The following SHANK2 variants were observed in gnomAD, a reference collection of about 807,000 sequenced individuals.
The protein encoded by SHANK2 is SH3 and multiple ankyrin repeat domains protein 2.
Under a neutral mutation model 133.7 loss-of-function variants are expected in SHANK2, and 43 were observed. The observed-to-expected ratio is 0.32, with a 90% CI of 0.25 to 0.41. The LOEUF is 0.41. SHANK2 is among the 10% of genes least tolerant of loss of function. SHANK2 has a pLI of 1.00. For missense variants in SHANK2, 1,994 were observed against 2,235.8 expected (o/e 0.89, Z 2.18); for synonymous variants, 1,017 against 952.8 (o/e 1.07, Z -1.24).
At chr11:70,618,462 C>T (rs2060786089) in intron 17 of SHANK2, among the ~76,000 whole-genome samples, 1 of 152,186 alleles carries the variant, frequency 6.6e-6, no homozygotes, top group Admixed American at 6.5e-5. Flanking sequence ...GAGGAAGGAA[C>T]GTTCTAGAAT....
At chr11:70,595,245 G>T (rs1425542725) in intron 17 of SHANK2, among the ~76,000 whole-genome samples, 1 of 152,180 alleles carries the variant, frequency 6.6e-6, no homozygotes, top group African/African-American at 2.4e-5. Flanking sequence ...TTTGAAGGGT[G>T]CAGCCCGGCC....
rs114585295 is a variant in SHANK2, at chr11:70,674,938, T to C, written c.1854-13260A>G. Among the ~76,000 whole-genome samples, 419 of 152,340 alleles carry C rather than the reference T, an allele frequency of 2.8e-3. 2 individuals carry two copies. The highest frequency in any genetic ancestry group is 9.7e-3 in the African/African-American group (404 of 41,580). On this transcript the variant is annotated intron_variant, in intron 15 of 25. Transcript: ENST00000601538. ...CATTTAAGTCCACACAAATAATACA[T>C]GTACATGGCATATAACTATGTATAA...
intron 17 of SHANK2, among the ~76,000 whole-genome samples, chr11:70,637,755 G>T (rs2061124525): frequency 6.6e-6 from 1 of 152,222 alleles, no homozygotes; most frequent in African/African-American, 2.4e-5. Context: ...AACAGACCTA[G>T]GTGTCAGACC....
chr11:70,625,996 G>A (rs1301377580), intron 17 of SHANK2, among the ~76,000 whole-genome samples: 1 of 152,088 alleles, frequency 6.6e-6, no homozygotes, highest in Admixed American at 6.5e-5. Context: ...GCTGAGGGCT[G>A]CAGGCCTCTG....
intron 2 of SHANK2, among the ~76,000 whole-genome samples, chr11:71,211,364 C>A (rs111779563): frequency 1.3e-5 from 1 of 79,684 alleles, no homozygotes; most frequent in Non-Finnish European, 2.2e-5. Context: ...CATGGAGAAA[C>A]CCCATCTCTA....
intron 14 of SHANK2, among the ~76,000 whole-genome samples, chr11:70,794,625 T>G (rs781863422): frequency 2.1e-4 from 32 of 152,334 alleles, no homozygotes; most frequent in Admixed American, 9.1e-4. Flanking sequence ...TGGTGCGACC[T>G]TGGCTCACTG....
intron 2 of SHANK2, among the ~76,000 whole-genome samples, chr11:71,160,409 G>C (rs1952990561): frequency 6.6e-6 from 1 of 152,174 alleles, no homozygotes; most frequent in Non-Finnish European, 1.5e-5. Context: ...TACAAGGGTG[G>C]GGTCCTGATC....
At chr11:70,590,022 G>T (rs1434109582) in intron 17 of SHANK2, among the ~76,000 whole-genome samples, 1 of 152,222 alleles carries the variant, frequency 6.6e-6, no homozygotes, top group Non-Finnish European at 1.5e-5. Context: ...AGGCGCGGTG[G>T]CGGGCGCCTG....
At chr11:70,870,386 C>G (rs535006213) in intron 11 of SHANK2, among the ~76,000 whole-genome samples, 2 of 152,068 alleles carry the variant, frequency 1.3e-5, no homozygotes, top group Non-Finnish European at 2.9e-5. Flanking sequence ...GGCAGGTGAG[C>G]GCCAGGAAAG....
At chr11:70,627,566 G>A (rs1422361351) in intron 17 of SHANK2, among the ~76,000 whole-genome samples, 2 of 152,162 alleles carry the variant, frequency 1.3e-5, no homozygotes, top group African/African-American at 4.8e-5. Context: ...TATCCTAAAC[G>A]CTTGGACTAG....
intron 2 of SHANK2, among the ~76,000 whole-genome samples, chr11:71,160,654 C>T (rs1952994441): frequency 6.6e-6 from 1 of 152,212 alleles, no homozygotes; most frequent in South Asian, 2.1e-4. Context: ...GCTAAGTCAT[C>T]CTATCTATTC....
intron 2 of SHANK2, among the ~76,000 whole-genome samples, chr11:71,166,020 G>A (rs1032697292): frequency 2.6e-5 from 4 of 152,106 alleles, no homozygotes; most frequent in Admixed American, 1.3e-4. Flanking sequence ...GTGTCCACAC[G>A]CCCCCCAGCC....
rs184158214 is a variant in SHANK2 at position 70,610,956 on chromosome 11, C to T, written c.2061+48872G>A. ...TGCTTCCATATGGAACTATGGGGCA[C>T]GGTGATCAGAAGAGCTCCAGCCTCT... On this transcript the variant is annotated intron_variant, in intron 17 of 25. Transcript: ENST00000601538. Among the ~76,000 whole-genome samples the T allele has an allele frequency of 9.8e-5, 15 of 152,306 alleles. No individual in the cohort carries two copies. The East Asian group carries it at 1.2e-3, about 12-fold the overall frequency.
intron 17 of SHANK2, among the ~76,000 whole-genome samples, chr11:70,616,728 A>G (rs1554996068): frequency 6.6e-6 from 1 of 152,150 alleles, no homozygotes; most frequent in East Asian, 1.9e-4. Context: ...TGGGAGTGCC[A>G]GAAGGGAGTA....
chr11:70,509,837 G>A (rs1554969020), intron 17 of SHANK2, among the ~76,000 whole-genome samples: 1 of 152,230 alleles, frequency 6.6e-6, no homozygotes, highest in Non-Finnish European at 1.5e-5. Flanking sequence ...ATGGCTTTCT[G>A]CAAACCAGTT....
chr11:70,913,088 A>C (rs2135731739), intron 10 of SHANK2, among the ~76,000 whole-genome samples: 1 of 151,544 alleles, frequency 6.6e-6, no homozygotes, highest in South Asian at 2.1e-4. Flanking sequence ...GGAAATTAAA[A>C]AAAAAAAAAA....
intron 15 of SHANK2, among the ~76,000 whole-genome samples, chr11:70,694,705 C>T (rs1239086229): frequency 6.6e-6 from 1 of 152,246 alleles, no homozygotes; most frequent in Non-Finnish European, 1.5e-5. Context: ...ATTGGAGAAG[C>T]TGGCAGTCAG....
chr11:70,481,633 A>G (rs1434678999), intron 25 of SHANK2, among the ~76,000 whole-genome samples: 1 of 152,260 alleles, frequency 6.6e-6, no homozygotes, highest in Non-Finnish European at 1.5e-5. Flanking sequence ...TTCAAAAAGC[A>G]TGGCTGGTTT....
chr11:71,103,876 C>A (rs150243600), intron 6 of SHANK2, among the ~76,000 whole-genome samples: 1 of 134,664 alleles, frequency 7.4e-6, no homozygotes, highest in African/African-American at 2.8e-5. Flanking sequence ...CTCTCCCCCC[C>A]TCTTTCTCTC....
Sources: gnomAD v4.1 joint callset for allele counts (sites outside exome capture counted in the v4.1 genomes callset) on GRCh38, gnomAD v4.1.1 for gene constraint, MANE v1.5 for transcripts, NCBI Gene and HGNC (gene_info 2026-07-23, HGNC 2026-07-21) for gene names.